PPP2R2B: variants seen among roughly 807,000 people sequenced by gnomAD.
PPP2R2B encodes serine/threonine-protein phosphatase 2A 55 kDa regulatory subunit B beta isoform.
Under a neutral mutation model 46.0 loss-of-function variants are expected in PPP2R2B, and 5 were observed. The ratio of observed to expected loss-of-function variants is 0.11; its 90% CI spans 0.06 to 0.23. The LOEUF is 0.23. PPP2R2B is among the 10% of genes least tolerant of loss of function. The pLI is 1.00. For synonymous variants in PPP2R2B, 215 were observed against 206.7 expected, an observed-to-expected ratio of 1.04 and a Z score of -0.34; for missense variants, 367 against 575.0, an observed-to-expected ratio of 0.64 and a Z score of 3.70.
chr5:146,651,197 T>C (rs950220630), intron 5 of PPP2R2B, among the ~76,000 whole-genome samples: 1 of 152,194 alleles, frequency 6.6e-6, no homozygotes, highest in Non-Finnish European at 1.5e-5. Context: ...CCTGGCTTTG[T>C]CCTTAATCCT....
chr5:146,889,058 G>A (rs1373349741), intron 1 of PPP2R2B, among the ~76,000 whole-genome samples: 1 of 152,162 alleles, frequency 6.6e-6, no homozygotes, highest in Non-Finnish European at 1.5e-5. Flanking sequence ...TTTATATGCA[G>A]TACCTGGAAC....
At chr5:146,623,014 C>T (rs186098247) in intron 7 of PPP2R2B, among the ~76,000 whole-genome samples, 200 of 152,290 alleles carry the variant, frequency 1.3e-3, no homozygotes, top group South Asian at 2.3e-3. Flanking sequence ...GATCTCATCT[C>T]ATTCACTCAT....
chr5:147,022,745 T>G (rs1755340714), intron 1 of PPP2R2B, among the ~76,000 whole-genome samples: 1 of 151,908 alleles, frequency 6.6e-6, no homozygotes, highest in Non-Finnish European at 1.5e-5. Flanking sequence ...GGAATACACA[T>G]TAAGAATTAC....
At chr5:146,647,335 G>T (rs1305994662) in intron 6 of PPP2R2B, among the ~76,000 whole-genome samples, 1 of 146,724 alleles carries the variant, frequency 6.8e-6, no homozygotes, top group Non-Finnish European at 1.5e-5. Context: ...TGAATAAGGG[G>T]CATTGTGGAA....
intron 1 of PPP2R2B, among the ~76,000 whole-genome samples, chr5:146,895,612 G>A (rs1050988642): frequency 6.6e-6 from 1 of 152,172 alleles, no homozygotes; most frequent in African/African-American, 2.4e-5. Flanking sequence ...TTTGTTAAAT[G>A]AGAGACTATA....
intron 2 of PPP2R2B, among the ~76,000 whole-genome samples, chr5:146,806,073 C>T (rs1757158841): frequency 6.6e-6 from 1 of 152,192 alleles, no homozygotes; most frequent in African/African-American, 2.4e-5. Context: ...CCTGAAAATA[C>T]ATTTGTGAAT....
intron 1 of PPP2R2B, among the ~76,000 whole-genome samples, chr5:147,014,285 G>A (rs1266408460): frequency 1.3e-5 from 2 of 148,376 alleles, no homozygotes; most frequent in Admixed American, 1.3e-4. Flanking sequence ...TACACTGTTG[G>A]TGGGACTGTA....
At chr5:147,042,023 T>C (rs1233747385) in intron 1 of PPP2R2B, among the ~76,000 whole-genome samples, 1 of 152,074 alleles carries the variant, frequency 6.6e-6, no homozygotes, top group African/African-American at 2.4e-5. Context: ...CATCCAAGAA[T>C]GCAATTAACT....
chr5:146,599,563 C>T (rs992284331), intron 8 of PPP2R2B, among the ~76,000 whole-genome samples: 2 of 152,224 alleles, frequency 1.3e-5, no homozygotes, highest in Non-Finnish European at 2.9e-5. Context: ...TCTCCAGGCT[C>T]ATCCTTCTGC....
rs202154889 is a variant in PPP2R2B, at chr5:146,988,908, GA to G, written c.79+66756del. On this transcript the variant is annotated intron_variant, in intron 1 of 8. Transcript: ENST00000336640. ...AACTCAAATAAATAAAAACAGAAAT[GA>G]AAAAGATGACATTATAACTGATGCC... is the stretch of plus-strand genomic sequence containing the variant. 8.2e-4 allele frequency among the ~76,000 whole-genome samples: 124 copies of G among 151,874 alleles called. 1 individual carries two copies. The East Asian group carries it at 0.021, about 26-fold the overall frequency.
At chr5:147,071,540 AGTCCTT>A (rs1757599222) in intron 2 of PPP2R2B, among the ~76,000 whole-genome samples, 1 of 152,192 alleles carries the variant, frequency 6.6e-6, no homozygotes, top group South Asian at 2.1e-4. Flanking sequence ...CCACAAGTCC[AGTCCTT>A]AAACATACCA....
intron 1 of PPP2R2B, among the ~76,000 whole-genome samples, chr5:146,894,345 G>T (rs1026017239): frequency 6.6e-6 from 1 of 152,168 alleles, no homozygotes; most frequent in Non-Finnish European, 1.5e-5. Context: ...CCTATATTTT[G>T]TTATTAATTA....
chr5:146,903,566 T>C (rs773912259), intron 1 of PPP2R2B, among the ~76,000 whole-genome samples: 5 of 152,068 alleles, frequency 3.3e-5, no homozygotes, highest in Non-Finnish European at 5.9e-5. Flanking sequence ...TGTCTAACTT[T>C]TAAATATTTT....
chr5:146,969,504 C>A (rs1226600486), intron 1 of PPP2R2B, among the ~76,000 whole-genome samples: 1 of 152,092 alleles, frequency 6.6e-6, no homozygotes, highest in African/African-American at 2.4e-5. Context: ...AGTGAGGGCA[C>A]CCTGATTGGA....
chr5:147,057,040 T>G (rs796292711), upstream of PPP2R2B, among the ~76,000 whole-genome samples: 3 of 152,338 alleles, frequency 2.0e-5, no homozygotes, highest in African/African-American at 7.2e-5. Context: ...GATGGAATAA[T>G]TTTTAAGCCT....
At chr5:146,838,586 A>G (rs1372744687) in intron 2 of PPP2R2B, among the ~76,000 whole-genome samples, 1 of 149,992 alleles carries the variant, frequency 6.7e-6, no homozygotes, top group African/African-American at 2.5e-5. Flanking sequence ...AAAAAAAAAG[A>G]AAAAAAAGAA....
intron 5 of PPP2R2B, among the ~76,000 whole-genome samples, chr5:146,667,223 T>C (rs1323189980): frequency 6.6e-6 from 1 of 152,056 alleles, no homozygotes; most frequent in African/African-American, 2.4e-5. Context: ...AATTTGAATG[T>C]AGTGATTCTA....
intron 2 of PPP2R2B, among the ~76,000 whole-genome samples, chr5:146,866,869 G>A (rs895187722): frequency 1.3e-5 from 2 of 152,106 alleles, no homozygotes; most frequent in African/African-American, 4.8e-5. Flanking sequence ...AAGAAAAAGT[G>A]CCTTCCATTC....
intron 1 of PPP2R2B, among the ~76,000 whole-genome samples, chr5:146,993,223 G>C (rs1011939950): frequency 2.7e-5 from 4 of 150,680 alleles, no homozygotes; most frequent in African/African-American, 9.8e-5. Context: ...GGTTACAGGT[G>C]TGAGTCAATG....
Sources: gnomAD v4.1 joint callset for allele counts (sites outside exome capture counted in the v4.1 genomes callset) on GRCh38, gnomAD v4.1.1 for gene constraint, MANE v1.5 for transcripts, NCBI Gene and HGNC (gene_info 2026-07-23, HGNC 2026-07-21) for gene names.